ABAT: variants seen among roughly 807,000 people sequenced by gnomAD.
ABAT encodes 4-aminobutyrate aminotransferase, mitochondrial.
A neutral mutation model predicts 64.6 loss-of-function variants in ABAT; 45 were observed. That is an observed-to-expected ratio of 0.70 (90% confidence interval 0.55 to 0.89). The LOEUF (loss-of-function observed/expected upper bound fraction) is 0.89, where lower values mean the gene tolerates loss of function less well. Among genes scored for constraint, ABAT ranks in the 40% least tolerant of loss-of-function variants. ABAT has a pLI of 0.00. For missense variants in ABAT, 633 were observed against 658.4 expected (o/e 0.96, Z 0.42); for synonymous variants, 297 against 250.5 (o/e 1.19, Z -1.75).
At chr16:8,753,384 C>G (rs113339221) in intron 5 of ABAT, among the ~76,000 whole-genome samples, 1 of 152,178 alleles carries the variant, frequency 6.6e-6, no homozygotes, top group South Asian at 2.1e-4. Context: ...CGTGAGCCAC[C>G]GCGCCTGGCC....
chr16:8,678,670 A>T (rs899162137), intron 1 of ABAT, among the ~76,000 whole-genome samples: 71 of 152,320 alleles, frequency 4.7e-4, no homozygotes, highest in African/African-American at 1.7e-3. Context: ...AGAAATGCTC[A>T]CACTTGCACT....
intron 1 of ABAT, among the ~76,000 whole-genome samples, chr16:8,699,669 C>G (rs2057776399): frequency 6.6e-6 from 1 of 152,052 alleles, no homozygotes; most frequent in East Asian, 1.9e-4. Flanking sequence ...TTAAACGATC[C>G]TCCAACCCCA....
At chr16:8,765,894 G>T (rs2059929905) in intron 8 of ABAT, 1 of 365,794 alleles carries the variant, frequency 2.7e-6, no homozygotes, top group South Asian at 2.2e-5. Flanking sequence ...AAAGTACTAG[G>T]ATTACAGATT....
chr16:8,744,282 A>G (rs952936512), intron 2 of ABAT, among the ~76,000 whole-genome samples: 2 of 152,118 alleles, frequency 1.3e-5, no homozygotes, highest in Non-Finnish European at 2.9e-5. Context: ...GCCTCAGGAA[A>G]CTTCCAATCA....
At chr16:8,711,166 C>T (rs965667057) in intron 1 of ABAT, among the ~76,000 whole-genome samples, 1 of 152,190 alleles carries the variant, frequency 6.6e-6, no homozygotes, top group East Asian at 1.9e-4. Context: ...CTCTCCAAGC[C>T]ATTTGTATGA....
intron 5 of ABAT, among the ~76,000 whole-genome samples, chr16:8,754,285 G>A (rs1383314989): frequency 6.6e-6 from 1 of 151,296 alleles, no homozygotes. Flanking sequence ...AGCTAGGGAG[G>A]TTGAGGCTGC....
Position 8,776,732 on chromosome 16 carries a change from T to C in ABAT, c.1269+242T>C, listed in dbSNP as rs145078790. ...CTCCTGGTTTTCTTTGTTGTTGTTT[T>C]TTTTAATTTATTTTTTATTTTTTTA... On this transcript the variant is annotated intron_variant, in intron 14 of 15. Transcript: ENST00000268251. The surrounding 1 kb of genome is among the most constrained non-coding windows in gnomAD (Gnocchi z 4.4). Among the ~76,000 whole-genome samples, 16 of 152,300 alleles carry C rather than the reference T, an allele frequency of 1.1e-4. No individual in the cohort carries two copies. Among genetic ancestry groups the C allele is most frequent in the African/African-American group, 3.8e-4 (16 of 41,574 alleles).
chr16:8,732,360 A>T lies in ABAT; in HGVS notation c.-41-3339A>T, dbSNP rs375116726. Among the ~76,000 whole-genome samples the T allele has an allele frequency of 4.7e-4, 71 of 150,486 alleles. 1 individual carries two copies. Among genetic ancestry groups the T allele is most frequent in the East Asian group, 4.3e-3 (22 of 5,130 alleles). ...GGTCTCTGGTTTTCCTAGGCAGAGG[A>T]CCCTGCGGCCTTCCGCAGTGTTTGT... On this transcript the variant is annotated intron_variant, in intron 1 of 15. Coordinates refer to ENST00000268251, the MANE Select transcript of ABAT (RefSeq NM_020686.6).
intron 12 of ABAT, among the ~76,000 whole-genome samples, chr16:8,774,132 T>C (rs976499530): frequency 6.6e-6 from 1 of 152,192 alleles, no homozygotes; most frequent in African/African-American, 2.4e-5. Flanking sequence ...TTTCGCCATG[T>C]TGGCCAGGCT....
In ABAT at chr16:8,764,318, G is replaced by C. The variant is rs960754218; in HGVS notation, c.447+169G>C. On this transcript the variant is annotated intron_variant, in intron 7 of 15. Transcript: ENST00000268251. This position sits in a 1 kb window ranked among gnomAD's most constrained non-coding sequence, Gnocchi z 4.2. ...AATTTTTCTTTTAAAGGACAGAAGG[G>C]ATTCTTTGTGTGCAGGACAAAAGGA... Among the ~76,000 whole-genome samples, 2 of 152,128 alleles carry C rather than the reference G, an allele frequency of 1.3e-5. No individual in the cohort carries two copies. Among genetic ancestry groups the C allele is most frequent in the Non-Finnish European group, 2.9e-5 (2 of 68,020 alleles).
At chr16:8,709,290 G>A (rs908339290) in intron 1 of ABAT, among the ~76,000 whole-genome samples, 1 of 151,464 alleles carries the variant, frequency 6.6e-6, no homozygotes, top group Non-Finnish European at 1.5e-5. Context: ...AATTTCATCT[G>A]TTTCTTTTCT....
At chr16:8,701,204 G>C (rs758955941) in intron 1 of ABAT, among the ~76,000 whole-genome samples, 4 of 152,196 alleles carry the variant, frequency 2.6e-5, no homozygotes, top group Non-Finnish European at 5.9e-5. Context: ...AAAGTGCTTG[G>C]ATTGTAGGCG....
chr16:8,678,291 C>T (rs963819811), intron 1 of ABAT, among the ~76,000 whole-genome samples: 10 of 152,130 alleles, frequency 6.6e-5, no homozygotes, highest in African/African-American at 1.4e-4. Context: ...GCGATCCTCC[C>T]GCCTTGGCTT....
intron 5 of ABAT, among the ~76,000 whole-genome samples, chr16:8,756,332 C>A (rs1287691834): frequency 6.6e-6 from 1 of 152,176 alleles, no homozygotes; most frequent in African/African-American, 2.4e-5. Context: ...AACAATCTTG[C>A]TTGAGTTTAA....
chr16:8,743,444 T>TATATATATATACAC (rs368568293), intron 2 of ABAT, among the ~76,000 whole-genome samples: 1 of 117,702 alleles, frequency 8.5e-6, no homozygotes, highest in Non-Finnish European at 1.6e-5. Context: ...TATATATATA[T>TATATATATATACAC]ACACACATTT....
intron 9 of ABAT, among the ~76,000 whole-genome samples, chr16:8,767,449 G>A (rs937756977): frequency 6.6e-6 from 1 of 152,194 alleles, no homozygotes; most frequent in Non-Finnish European, 1.5e-5. Flanking sequence ...TGACCCGCCT[G>A]ACACCTGAGG....
chr16:8,749,385 C>CT, intron 4 of ABAT, among the ~76,000 whole-genome samples: 2 of 46,466 alleles, frequency 4.3e-5, no homozygotes, highest in Admixed American at 3.3e-4. Context: ...CCGCACCCGG[C>CT]CTTTTTTTTT....
At chr16:8,729,311 A>ACAAAAT (rs752148589) in intron 1 of ABAT, among the ~76,000 whole-genome samples, 14,010 of 151,748 alleles carry the variant, frequency 0.092, 921 homozygotes, top group African/African-American at 0.18. Flanking sequence ...CTCAACAAAA[A>ACAAAAT]CAAAAACAGC....
intron 6 of ABAT, among the ~76,000 whole-genome samples, chr16:8,763,179 A>G (rs1336838280): frequency 2.0e-5 from 3 of 151,632 alleles, no homozygotes; most frequent in Non-Finnish European, 4.4e-5. Context: ...ATTTTCGGGC[A>G]GAGGCTACCT....
Sources: gnomAD v4.1 joint callset for allele counts (sites outside exome capture counted in the v4.1 genomes callset) on GRCh38, gnomAD v4.1.1 for gene constraint, Gnocchi (gnomAD v3.1) non-coding constraint, MANE v1.5 for transcripts, NCBI Gene and HGNC (gene_info 2026-07-23, HGNC 2026-07-21) for gene names.